Variants in PHF8 observed in about 807,000 individuals in gnomAD.
PHF8 encodes PHD finger protein 8, also known as histone lysine demethylase PHF8.
In PHF8, 9 loss-of-function variants were observed where a neutral mutation model predicts 74.4. The observed-to-expected ratio is 0.12, with a 90% CI of 0.07 to 0.21. The LOEUF is 0.21. Among genes scored for constraint, PHF8 ranks in the 10% least tolerant of loss-of-function variants. The pLI is 1.00. For missense variants in PHF8, 478 were observed against 816.6 expected (o/e 0.59, Z 5.05); for synonymous variants, 311 against 316.6 (o/e 0.98, Z 0.19).
At chrX:53,993,460 T>C in intron 13 of PHF8, 141 bp downstream of exon 13, 1 of 502,612 alleles carries the variant, frequency 2.0e-6, no homozygotes, top group Non-Finnish European at 3.5e-6. Context: ...AATAAATGCC[T>C]ATTAAATGAG....
chrX:54,012,960 T>TA (rs1428219124), intron 7 of PHF8, among the ~76,000 whole-genome samples: 2 of 83,622 alleles, frequency 2.4e-5, no homozygotes, highest in Non-Finnish European at 4.8e-5. Context: ...AAAAAAAAGG[T>TA]AAAAAAAATT....
chrX:54,042,934 G>A, intron 1 of PHF8, 114 bp from the exon 2 acceptor site: 1 of 614,993 alleles, frequency 1.6e-6, no homozygotes, highest in Non-Finnish European at 2.4e-6. Flanking sequence ...CACAGCTGGT[G>A]CGGCTGTAGG....
chrX:54,037,931 A>C (rs2066490827), intron 2 of PHF8, among the ~76,000 whole-genome samples: 2 of 112,558 alleles, frequency 1.8e-5, no homozygotes, highest in Admixed American at 1.9e-4. Flanking sequence ...ACAGAATCAG[A>C]ATTTGAACCC....
intron 19 of PHF8, among the ~76,000 whole-genome samples, chrX:53,954,750 C>T (rs1355191702): frequency 9.2e-6 from 1 of 108,829 alleles, no homozygotes; most frequent in African/African-American, 3.3e-5. Flanking sequence ...AAAGTATTTA[C>T]CGACTGTTCT....
At chrX:54,029,478 G>A (rs1030263387) in intron 2 of PHF8, among the ~76,000 whole-genome samples, 2 of 112,445 alleles carry the variant, frequency 1.8e-5, no homozygotes, top group Admixed American at 9.4e-5. Context: ...GGGCCTAATG[G>A]AAATGAAAAG....
At chrX:53,957,009 G>A (rs2065023319) in intron 19 of PHF8, among the ~76,000 whole-genome samples, 2 of 110,018 alleles carry the variant, frequency 1.8e-5, no homozygotes, top group African/African-American at 3.3e-5. Context: ...TCAGGAGTTC[G>A]AGACCAACCT....
Position 54,022,306 on chromosome X carries a change from G to C in PHF8, c.246C>G (p.Thr82=). 8.3e-7 allele frequency: 1 copy of C among 1,206,807 alleles called. No individual in the cohort carries two copies. Among genetic ancestry groups the C allele is most frequent in the Non-Finnish European group, 1.1e-6 (1 of 891,084 alleles). ...HDTHKGKPVK[T]GSPTFVRELR... Reference sequence around the variant, plus strand: ...GCTCTCTGACGAACGTAGGGCTCCCGGTCTTCACTGGTTTCCCCTTGTGTG... The same window carrying C: ...GCTCTCTGACGAACGTAGGGCTCCCCGTCTTCACTGGTTTCCCCTTGTGTG... The change falls in exon 4 of 22, where the codon ACC becomes ACG. Residue 82 remains threonine (T), a synonymous_variant. Transcript: ENST00000338154.
chrX:54,014,598 G>C (rs1275924893), intron 6 of PHF8, 35 bp from the exon 7 acceptor site: 1 of 1,023,297 alleles, frequency 9.8e-7, no homozygotes, highest in Non-Finnish European at 1.4e-6. Context: ...GATGTCAGCT[G>C]ATTAGGAAGA....
At chrX:53,953,633 C>G (rs1335795114) in intron 19 of PHF8, among the ~76,000 whole-genome samples, 2 of 87,743 alleles carry the variant, frequency 2.3e-5, no homozygotes, top group Non-Finnish European at 4.4e-5. Context: ...GACAGAGTGA[C>G]ACTCTGTCTC....
Position 53,976,266 on chromosome X carries a change from C to T in PHF8, c.2443+8648G>A, listed in dbSNP as rs181296668. Among the ~76,000 whole-genome samples, 5 of 109,204 alleles carry T rather than the reference C, an allele frequency of 4.6e-5. No individual in the cohort carries two copies. In the East Asian group the frequency reaches 1.1e-3, roughly 25 times the overall value. The allele number at this position is 109,204 out of a possible 115,157, so 94.8% of individuals were successfully genotyped here. A position where few individuals can be genotyped will look rare whatever the true frequency, so the allele number is the denominator to read the frequency against. ...GTTGGAGCGAGCGGAGACTGCGCCA[C>T]AGCACTCCAGCCTGGGTGACAGACC... On this transcript the variant is annotated intron_variant, in intron 18 of 21. Transcript: ENST00000338154.
chrX:53,978,366 A>C (rs1603310098), intron 18 of PHF8, among the ~76,000 whole-genome samples: 1 of 112,298 alleles, frequency 8.9e-6, no homozygotes, highest in Non-Finnish European at 1.9e-5. Flanking sequence ...CTGAATGTTC[A>C]CAGCAGCTCT....
At chrX:54,012,073 T>C (rs2065992083) in intron 7 of PHF8, among the ~76,000 whole-genome samples, 1 of 111,307 alleles carries the variant, frequency 9.0e-6, no homozygotes, top group Non-Finnish European at 1.9e-5. Flanking sequence ...TTGATAACTA[T>C]ACAAATTATT....
At chrX:53,954,163 C>T (rs1384459811) in intron 19 of PHF8, among the ~76,000 whole-genome samples, 1 of 111,372 alleles carries the variant, frequency 9.0e-6, no homozygotes, top group Non-Finnish European at 1.9e-5. Context: ...TAGCTGGAGA[C>T]TTCAATACCA....
At chrX:53,980,651 TA>T (rs377290308) in intron 18 of PHF8, among the ~76,000 whole-genome samples, 61 of 112,092 alleles carry the variant, frequency 5.4e-4, no homozygotes, top group African/African-American at 1.9e-3. Context: ...CAAATAGAAC[TA>T]ATAACAGTAT....
chrX:54,045,946 G>GT (rs1287301512), upstream of PHF8, among the ~76,000 whole-genome samples: 23 of 21,407 alleles, frequency 1.1e-3, no homozygotes, highest in Admixed American at 2.0e-3. Context: ...ATGGTTTAGG[G>GT]TTTTTTTTTT....
At chrX:53,998,944 C>A (rs1281074845) in intron 11 of PHF8, among the ~76,000 whole-genome samples, 5 of 111,956 alleles carry the variant, frequency 4.5e-5, no homozygotes, top group Non-Finnish European at 9.4e-5. Flanking sequence ...CTGTCTGATT[C>A]TTTAAAACTA....
At chrX:54,043,280 G>C (rs782645540) in intron 1 of PHF8, 1 of 180,379 alleles carries the variant, frequency 5.5e-6, no homozygotes, top group African/African-American at 3.1e-5. Context: ...GCCAACCAGA[G>C]AGAGATAAGG....
chrX:54,003,289 G>A (rs373494670), intron 8 of PHF8, among the ~76,000 whole-genome samples: 1 of 111,397 alleles, frequency 9.0e-6, no homozygotes, highest in Non-Finnish European at 1.9e-5. Flanking sequence ...AAGGAATACC[G>A]ACTGTTTGCA....
intron 4 of PHF8, among the ~76,000 whole-genome samples, chrX:54,019,074 CTGTTATAAATCAGTAATAGTAACACAA>C (rs1557109042): frequency 8.9e-6 from 1 of 112,106 alleles, no homozygotes; most frequent in Non-Finnish European, 1.9e-5. Flanking sequence ...TCCAAGAAAG[CTGTTATAAATCAGTAATAGTAACACAA>C]CAGAATGCCT....
Sources: allele counts gnomAD v4.1 joint callset (sites outside exome capture counted in the v4.1 genomes callset), GRCh38; gene constraint gnomAD v4.1.1; transcripts MANE v1.5; gene names NCBI Gene and HGNC (gene_info 2026-07-23, HGNC 2026-07-21).